The following EYS variants were observed in gnomAD, a reference collection of about 807,000 sequenced individuals.
The protein encoded by EYS is protein eyes shut homolog.
Under a neutral mutation model 282.1 loss-of-function variants are expected in EYS, and 250 were observed. The ratio of observed to expected loss-of-function variants is 0.89; its 90% CI spans 0.80 to 0.98. EYS has a LOEUF of 0.98. EYS is among the 50% of genes least tolerant of loss of function. EYS has a pLI of 0.00. For synonymous variants in EYS, 1,355 were observed against 1,282.9 expected (o/e 1.06, Z -1.20); for missense variants, 4,016 against 3,709.0 (o/e 1.08, Z -2.15).
At chr6:64,501,806 A>T (rs1777053224) in intron 26 of EYS, among the ~76,000 whole-genome samples, 1 of 152,160 alleles carries the variant, frequency 6.6e-6, no homozygotes, top group Non-Finnish European at 1.5e-5. Flanking sequence ...TGGGCAAGTG[A>T]GCTTCCCTGG....
chr6:64,880,841 C>T (rs1228027904), intron 19 of EYS, among the ~76,000 whole-genome samples: 2 of 149,682 alleles, frequency 1.3e-5, no homozygotes, highest in East Asian at 3.9e-4. Flanking sequence ...TATATATACA[C>T]ACACACATAT....
At chr6:64,227,551 A>C (rs995312165) in intron 31 of EYS, among the ~76,000 whole-genome samples, 4 of 152,092 alleles carry the variant, frequency 2.6e-5, no homozygotes, top group Non-Finnish European at 5.9e-5. Flanking sequence ...GACCTTGACA[A>C]AGTAATTTAA....
intron 14 of EYS, among the ~76,000 whole-genome samples, chr6:64,978,214 C>T (rs58250197): frequency 0.14 from 20,498 of 151,822 alleles, 1,505 homozygotes; most frequent in East Asian, 0.23. Context: ...GGGGATGATG[C>T]AATTTGTGAC....
rs1336802328 is a variant in EYS at position 65,689,291 on chromosome 6, G to A, written c.-448+17844C>T. ...TCGCAAGGACAAAAAACCAAACACC[G>A]CATGTTCTCACTCATAGGTGGGAAT... On this transcript the variant is annotated intron_variant, in intron 1 of 42. Transcript: ENST00000503581. 1.1e-4 allele frequency among the ~76,000 whole-genome samples: 17 copies of A among 149,532 alleles called. 1 individual carries two copies. Among genetic ancestry groups the A allele is most frequent in the African/African-American group, 3.4e-4 (14 of 41,086 alleles).
chr6:65,541,839 T>C (rs1768179961), intron 2 of EYS, among the ~76,000 whole-genome samples: 1 of 152,122 alleles, frequency 6.6e-6, no homozygotes, highest in Non-Finnish European at 1.5e-5. Flanking sequence ...CTTTGATGAA[T>C]GCCTACAGAA....
intron 1 of EYS, among the ~76,000 whole-genome samples, chr6:65,658,597 C>A (rs1434488438): frequency 1.3e-5 from 2 of 151,612 alleles, no homozygotes. Flanking sequence ...GATCAATCTA[C>A]TCAGATATTC....
intron 24 of EYS, among the ~76,000 whole-genome samples, chr6:64,613,133 C>T (rs1767163982): frequency 6.6e-6 from 1 of 152,054 alleles, no homozygotes; most frequent in African/African-American, 2.4e-5. Context: ...AGTTAGAGTA[C>T]ACATGCAAGA....
At chr6:64,045,693 C>A (rs914906943) in intron 33 of EYS, among the ~76,000 whole-genome samples, 2 of 150,660 alleles carry the variant, frequency 1.3e-5, no homozygotes, top group Admixed American at 6.6e-5. Flanking sequence ...ATGATCTGCC[C>A]GCCTCGGCCT....
At chr6:64,834,852 C>T (rs1488410902) in intron 19 of EYS, among the ~76,000 whole-genome samples, 3 of 151,734 alleles carry the variant, frequency 2.0e-5, no homozygotes, top group Non-Finnish European at 2.9e-5. Context: ...TTGATTTATG[C>T]ATAAACCAAC....
chr6:64,786,711 C>T (rs911863651), intron 22 of EYS, among the ~76,000 whole-genome samples: 3 of 152,174 alleles, frequency 2.0e-5, no homozygotes, highest in African/African-American at 7.2e-5. Flanking sequence ...ATCTGTAAAT[C>T]TTACACCCTT....
At chr6:63,723,085 AC>A in intron 42 of EYS, among the ~76,000 whole-genome samples, 1 of 152,244 alleles carries the variant, frequency 6.6e-6, no homozygotes, top group African/African-American at 2.4e-5. Flanking sequence ...ATAAAGAAAT[AC>A]GTTTGTAGGG....
At chr6:64,125,969 C>A (rs1022617860) in intron 31 of EYS, among the ~76,000 whole-genome samples, 1 of 150,798 alleles carries the variant, frequency 6.6e-6, no homozygotes, top group Non-Finnish European at 1.5e-5. Context: ...GCACAACGTG[C>A]AGGTTTGTTA....
At chr6:65,514,520 C>T (rs1368231640) in intron 2 of EYS, among the ~76,000 whole-genome samples, 1 of 152,182 alleles carries the variant, frequency 6.6e-6, no homozygotes, top group Non-Finnish European at 1.5e-5. Context: ...GGAGGCATCA[C>T]ACTACCTGAC....
intron 35 of EYS, among the ~76,000 whole-genome samples, chr6:63,945,044 A>G (rs759933846): frequency 2.0e-5 from 3 of 152,254 alleles, no homozygotes; most frequent in Non-Finnish European, 2.9e-5. Context: ...TACGGAAGTA[A>G]ATCACTGTTT....
At chr6:63,941,896 C>G (rs1000857227) in intron 35 of EYS, among the ~76,000 whole-genome samples, 3 of 152,128 alleles carry the variant, frequency 2.0e-5, no homozygotes, top group African/African-American at 7.2e-5. Flanking sequence ...TGAATTGGTT[C>G]CATTAATGCT....
At chr6:65,300,806 C>G (rs769252817) in intron 11 of EYS, 5 of 152,166 alleles carry the variant, frequency 3.3e-5, no homozygotes, top group Non-Finnish European at 5.9e-5. Flanking sequence ...GGCCTGACCA[C>G]CCACATTTTT....
At chr6:63,953,271 A>G (rs1040694416) in intron 35 of EYS, among the ~76,000 whole-genome samples, 1 of 152,134 alleles carries the variant, frequency 6.6e-6, no homozygotes, top group South Asian at 2.1e-4. Flanking sequence ...TCATTACTTC[A>G]GTAAAGCCCT....
intron 5 of EYS, among the ~76,000 whole-genome samples, chr6:65,452,063 TTAA>T (rs961810580): frequency 3.0e-4 from 46 of 151,796 alleles, no homozygotes; most frequent in Non-Finnish European, 5.0e-4. Flanking sequence ...TTAGTAGAAT[TTAA>T]TAATAATTTA....
chr6:65,076,036 T>C (rs561076191), intron 12 of EYS, among the ~76,000 whole-genome samples: 24 of 152,048 alleles, frequency 1.6e-4, no homozygotes, highest in Non-Finnish European at 2.7e-4. Context: ...TACTTTACAG[T>C]CCAAATGACA....
Sources: allele counts gnomAD v4.1 joint callset (sites outside exome capture counted in the v4.1 genomes callset), GRCh38; gene constraint gnomAD v4.1.1; transcripts MANE v1.5; gene names NCBI Gene and HGNC (gene_info 2026-07-23, HGNC 2026-07-21).